The following SLC2A14 variants were observed in gnomAD, a reference collection of about 807,000 sequenced individuals.
The protein encoded by SLC2A14 is solute carrier family 2 member 14.
SLC2A14 carries 13 observed loss-of-function variants against 43.0 expected under a neutral mutation model. That is an observed-to-expected ratio of 0.30 (90% CI 0.20 to 0.48). The LOEUF is 0.48. Among genes scored for constraint, SLC2A14 ranks in the 20% least tolerant of loss-of-function variants. The probability of loss-of-function intolerance (pLI) is 0.99; values close to 1 mark genes in which losing one functional copy is unlikely to be tolerated. For synonymous variants in SLC2A14, 190 were observed against 233.8 expected (o/e 0.81, Z 1.71); for missense variants, 428 against 620.4 (o/e 0.69, Z 3.29).
At chr12:7,827,115 TTTTA>T (rs1864559367) in intron 7 of SLC2A14, among the ~76,000 whole-genome samples, 1 of 148,054 alleles carries the variant, frequency 6.8e-6, no homozygotes, top group Non-Finnish European at 1.5e-5. Flanking sequence ...CTTTCTTTCT[TTTTA>T]TTTCTTTCTA....
intron 2 of SLC2A14, among the ~76,000 whole-genome samples, chr12:7,864,362 T>C (rs1408778788): frequency 1.3e-5 from 2 of 151,958 alleles, no homozygotes; most frequent in Non-Finnish European, 2.9e-5. Context: ...TTGTTTGAGA[T>C]GGAGTCTCGC....
intron 4 of SLC2A14, among the ~76,000 whole-genome samples, chr12:7,830,996 C>T: frequency 6.6e-6 from 1 of 151,718 alleles, no homozygotes; most frequent in African/African-American, 2.4e-5. Context: ...TGGTGGCGGG[C>T]ACCTGTAATC....
intron 2 of SLC2A14, among the ~76,000 whole-genome samples, chr12:7,841,364 G>A (rs1294255267): frequency 2.0e-5 from 3 of 151,958 alleles, no homozygotes; most frequent in African/African-American, 4.8e-5. Context: ...ACGTTTAAGC[G>A]ATTCTCCTGC....
At chr12:7,877,576 G>A (rs1945483422), upstream of SLC2A14, among the ~76,000 whole-genome samples, 1 of 151,262 alleles carries the variant, frequency 6.6e-6, no homozygotes, top group Non-Finnish European at 1.5e-5. Flanking sequence ...CAGGCACAGG[G>A]CATCACGTCC....
intron 10 of SLC2A14, among the ~76,000 whole-genome samples, chr12:7,815,036 A>G (rs988472781): frequency 1.3e-5 from 2 of 151,462 alleles, no homozygotes; most frequent in African/African-American, 2.4e-5. Flanking sequence ...CTGACCTTGT[A>G]ATCTGCCTGC....
intron 3 of SLC2A14, 140 bp downstream of exon 3, chr12:7,832,582 C>A: frequency 1.2e-6 from 1 of 858,194 alleles, no homozygotes; most frequent in Non-Finnish European, 1.8e-6. Flanking sequence ...CTCAAGTGAT[C>A]TTTAAGCCTC....
chr12:7,833,795 A>AAGAG (rs60107797), intron 2 of SLC2A14, among the ~76,000 whole-genome samples: 4 of 145,380 alleles, frequency 2.8e-5, no homozygotes, highest in Non-Finnish European at 4.5e-5. Flanking sequence ...AAAAAAAAAA[A>AAGAG]AGAGAGAGAG....
At chr12:7,864,601 G>C (rs1402317655) in intron 2 of SLC2A14, among the ~76,000 whole-genome samples, 3 of 152,202 alleles carry the variant, frequency 2.0e-5, no homozygotes, top group Non-Finnish European at 4.4e-5. Context: ...GCCTCCCAAA[G>C]TGTTGGGATT....
intron 2 of SLC2A14, among the ~76,000 whole-genome samples, chr12:7,860,129 C>A (rs1001234373): frequency 6.6e-6 from 1 of 152,078 alleles, no homozygotes; most frequent in African/African-American, 2.4e-5. Flanking sequence ...TATATCTTTG[C>A]GCCATCCCTC....
At position 7,829,113 on chromosome 12, in the gene SLC2A14, T is replaced by C. The variant is rs760040899; in HGVS notation, c.514-247A>G. Among the ~76,000 whole-genome samples, 19 of 152,024 alleles carry C rather than the reference T, an allele frequency of 1.2e-4. No homozygotes were observed. The South Asian group carries it at 3.3e-3, about 27-fold the overall frequency. Reference sequence around the variant, plus strand: ...CTGCAATCCCAGCTACTCAGGAGGCTGAGGCAGAGAATTACTTGAACCCAG... The same window carrying C: ...CTGCAATCCCAGCTACTCAGGAGGCCGAGGCAGAGAATTACTTGAACCCAG... On this transcript the variant is annotated intron_variant, in intron 5 of 10. Transcript: ENST00000431042.
intron 10 of SLC2A14, among the ~76,000 whole-genome samples, chr12:7,815,411 G>A (rs901168472): frequency 4.6e-5 from 7 of 152,050 alleles, no homozygotes; most frequent in African/African-American, 1.2e-4. Flanking sequence ...GTGAGACTCC[G>A]TCTCAAATAA....
At chr12:7,821,140 G>A in intron 8 of SLC2A14, 81 bp downstream of exon 8, 1 of 1,049,146 alleles carries the variant, frequency 9.5e-7, no homozygotes, top group Non-Finnish European at 1.4e-6. Context: ...CTAAATAACG[G>A]TGGAGCCATG....
intron 2 of SLC2A14, among the ~76,000 whole-genome samples, chr12:7,860,182 C>T (rs953403579): frequency 4.6e-5 from 7 of 152,192 alleles, no homozygotes; most frequent in African/African-American, 9.6e-5. Context: ...AGAATTAGCA[C>T]AGGTACAGCT....
In SLC2A14 at chr12:7,885,917, G is replaced by T. The variant is rs745692162; in HGVS notation, c.132+5079C>A. On this transcript the variant is annotated intron_variant, in intron 1 of 9. Coordinates refer to the SLC2A14 transcript ENST00000539924. Reference sequence around the variant, plus strand: ...AGCCATGAGCAAGTTAATTAAACTGGTTCATAGATACATATGTGAAGATTT... The same window carrying T: ...AGCCATGAGCAAGTTAATTAAACTGTTTCATAGATACATATGTGAAGATTT... Among the ~76,000 whole-genome samples the T allele has an allele frequency of 5.3e-5, 8 of 151,952 alleles. No homozygotes were observed. In the East Asian group the frequency reaches 1.5e-3, roughly 29 times the overall value.
chr12:7,846,739 C>T (rs1565542720), intron 2 of SLC2A14, among the ~76,000 whole-genome samples: 1 of 122,710 alleles, frequency 8.1e-6, no homozygotes, highest in African/African-American at 2.7e-5. Flanking sequence ...TCAAGCGATT[C>T]TCCTGCCTCA....
intron 1 of SLC2A14, among the ~76,000 whole-genome samples, chr12:7,881,006 G>A (rs766280575): frequency 6.6e-6 from 1 of 152,252 alleles, no homozygotes; most frequent in Admixed American, 6.5e-5. Flanking sequence ...TGGCGTGGTG[G>A]CAGGCGCCTG....
chr12:7,849,374 C>T (rs1356158395), intron 2 of SLC2A14, among the ~76,000 whole-genome samples: 1 of 151,798 alleles, frequency 6.6e-6, no homozygotes, highest in African/African-American at 2.4e-5. Context: ...TGTGGTGGCG[C>T]CCACCTGTGG....
rs752414599 is a variant in SLC2A14 at position 7,831,764 on chromosome 12, T to G, written c.112A>C (p.Ile38Leu). Residue 38 changes from isoleucine (I) to leucine (L), a missense_variant and splice_region_variant, in exon 4 of 11, where the codon ATC (isoleucine) becomes CTC (leucine). Ile to Leu is a conservative substitution (Grantham distance 5, BLOSUM62 2). Coordinates refer to ENST00000431042, the MANE Select transcript of SLC2A14 (RefSeq NM_001286234.2). ...GTTTTATTGATAAATTCCTTTATGA[T>G]CTGCAAAATAAAAGGTGGGAGGACA... ...NTGVINAPET[I>L]IKEFINKTLT... 1 of 1,614,070 alleles carries G rather than the reference T, an allele frequency of 6.2e-7. No individual in the cohort carries two copies. The highest frequency in any genetic ancestry group is 1.3e-5 in the African/African-American group (1 of 74,942).
chr12:7,874,807 AATACGTATTTATATAT>A (rs1945397915), upstream of SLC2A14, among the ~76,000 whole-genome samples: 1 of 75,528 alleles, frequency 1.3e-5, no homozygotes, highest in Non-Finnish European at 2.5e-5. Flanking sequence ...ATAATATATA[AATACGTATTTATATAT>A]AAATTATATA....
Sources: gnomAD v4.1 joint callset for allele counts (sites outside exome capture counted in the v4.1 genomes callset) on GRCh38, gnomAD v4.1.1 for gene constraint, MANE v1.5 for transcripts, NCBI Gene and HGNC (gene_info 2026-07-23, HGNC 2026-07-21) for gene names.